Variants in GRID2 observed in about 807,000 individuals in gnomAD.
GRID2 encodes glutamate receptor ionotropic, delta-2.
In GRID2, 33 loss-of-function variants were observed where a neutral mutation model predicts 114.8. The observed-to-expected ratio is 0.29, with a 90% confidence interval of 0.22 to 0.38. The LOEUF (loss-of-function observed/expected upper bound fraction) is 0.38, where lower values mean the gene tolerates loss of function less well. Among genes scored for constraint, GRID2 ranks in the 10% least tolerant of loss-of-function variants. GRID2 has a pLI of 1.00. For synonymous variants in GRID2, 505 were observed against 449.9 expected, an observed-to-expected ratio of 1.12 and a Z score of -1.55; for missense variants, 1,184 against 1,257.7, an observed-to-expected ratio of 0.94 and a Z score of 0.89.
At chr4:92,586,021 A>C (rs1728419710) in intron 1 of GRID2, among the ~76,000 whole-genome samples, 1 of 143,760 alleles carries the variant, frequency 7.0e-6, no homozygotes, top group African/African-American at 2.6e-5. Context: ...CTATTTTATA[A>C]GATTATACCT....
chr4:92,807,400 TTCTG>T (rs1365575635), intron 2 of GRID2, among the ~76,000 whole-genome samples: 3 of 152,092 alleles, frequency 2.0e-5, no homozygotes, highest in African/African-American at 7.2e-5. Context: ...TATATTTTCT[TTCTG>T]TGTGCATATT....
chr4:92,557,325 A>C (rs1297354143), intron 1 of GRID2, among the ~76,000 whole-genome samples: 3 of 151,620 alleles, frequency 2.0e-5, no homozygotes, highest in Non-Finnish European at 4.4e-5. Flanking sequence ...TTAAATTTTC[A>C]AAATTTTAAT....
chr4:93,345,735 C>A (rs964204319), intron 8 of GRID2, among the ~76,000 whole-genome samples: 1 of 151,888 alleles, frequency 6.6e-6, no homozygotes, highest in Admixed American at 6.6e-5. Context: ...TGTCAAGAAG[C>A]CTTAATTCTA....
intron 8 of GRID2, among the ~76,000 whole-genome samples, chr4:93,375,108 C>T (rs1763249619): frequency 6.6e-6 from 1 of 152,072 alleles, no homozygotes; most frequent in Non-Finnish European, 1.5e-5. Flanking sequence ...GTAACCTAAT[C>T]CATCACTGCA....
intron 8 of GRID2, among the ~76,000 whole-genome samples, chr4:93,309,015 C>T (rs1755730662): frequency 6.6e-6 from 1 of 152,180 alleles, no homozygotes; most frequent in South Asian, 2.1e-4. Flanking sequence ...ATAGACACCT[C>T]CTCTCCCCTT....
chr4:92,547,428 A>G (rs1301710905), intron 1 of GRID2, among the ~76,000 whole-genome samples: 1 of 152,210 alleles, frequency 6.6e-6, no homozygotes, highest in Non-Finnish European at 1.5e-5. Flanking sequence ...TTGATTAAAC[A>G]TTTTAAAACA....
chr4:92,776,339 T>C (rs1042346602), intron 2 of GRID2, among the ~76,000 whole-genome samples: 1 of 152,132 alleles, frequency 6.6e-6, no homozygotes, highest in Non-Finnish European at 1.5e-5. Flanking sequence ...TGAGTCGTAT[T>C]TGCTCACTGC....
chr4:93,202,260 G>A (rs968474730), intron 4 of GRID2, among the ~76,000 whole-genome samples: 7 of 151,726 alleles, frequency 4.6e-5, no homozygotes, highest in Admixed American at 6.6e-5. Context: ...TATAATAATC[G>A]AAAACTTTTT....
At chr4:92,729,834 C>A (rs1303009474) in intron 2 of GRID2, among the ~76,000 whole-genome samples, 1 of 151,830 alleles carries the variant, frequency 6.6e-6, no homozygotes, top group Non-Finnish European at 1.5e-5. Flanking sequence ...AAAAAAAATC[C>A]TCTTTATAGT....
At chr4:93,048,679 A>G (rs986281698) in intron 2 of GRID2, among the ~76,000 whole-genome samples, 2 of 152,094 alleles carry the variant, frequency 1.3e-5, no homozygotes, top group African/African-American at 4.8e-5. Context: ...ACATAGGATA[A>G]AGGAGATACA....
chr4:93,267,224 A>T (rs893385427), intron 8 of GRID2, among the ~76,000 whole-genome samples: 5 of 149,152 alleles, frequency 3.4e-5, no homozygotes, highest in African/African-American at 1.2e-4. Context: ...TTTAGGGTAC[A>T]TGTGCACATT....
chr4:92,995,326 C>T (rs1451898020), intron 2 of GRID2, among the ~76,000 whole-genome samples: 1 of 152,072 alleles, frequency 6.6e-6, no homozygotes, highest in Admixed American at 6.6e-5. Context: ...ATTTGAGTGG[C>T]ATTGTGGGAA....
At chr4:92,992,926 G>T (rs2149206064) in intron 2 of GRID2, among the ~76,000 whole-genome samples, 1 of 151,924 alleles carries the variant, frequency 6.6e-6, no homozygotes, top group East Asian at 1.9e-4. Context: ...CCAGAGCTCT[G>T]CTAGGTACCT....
intron 8 of GRID2, among the ~76,000 whole-genome samples, chr4:93,261,826 T>C (rs1260923933): frequency 1.3e-5 from 2 of 151,720 alleles, no homozygotes. Context: ...GTGGGCCATG[T>C]ATGTCTCTTT....
intron 14 of GRID2, among the ~76,000 whole-genome samples, chr4:93,691,582 A>T (rs2110115694): frequency 6.6e-6 from 1 of 152,180 alleles, no homozygotes; most frequent in South Asian, 2.1e-4. Flanking sequence ...AGTATTTTTC[A>T]TTTATAGAAT....
Position 93,711,998 on chromosome 4 carries a change from T to C in GRID2, c.2361-57212T>C, listed in dbSNP as rs568846365. On this transcript the variant is annotated intron_variant, in intron 14 of 15. Coordinates refer to ENST00000282020, the MANE Select transcript of GRID2 (RefSeq NM_001510.4). ...TGCTCTGCCTGTGCTCTGAGAGCTTTTCAGTTTTTTTGTTGTTGTTGTTGT... is the reference window on the plus strand; with the variant it reads ...TGCTCTGCCTGTGCTCTGAGAGCTTCTCAGTTTTTTTGTTGTTGTTGTTGT... Among the ~76,000 whole-genome samples the C allele has an allele frequency of 2.0e-5, 3 of 152,036 alleles. No individual in the cohort carries two copies. In the South Asian group the frequency reaches 6.2e-4, roughly 32 times the overall value.
chr4:93,433,028 C>T (rs1769569959), intron 10 of GRID2, among the ~76,000 whole-genome samples: 1 of 152,178 alleles, frequency 6.6e-6, no homozygotes, highest in African/African-American at 2.4e-5. Context: ...TGTGATAGCA[C>T]CACCGCACTC....
chr4:93,209,749 C>T (rs1208133686), intron 5 of GRID2, among the ~76,000 whole-genome samples: 2 of 152,022 alleles, frequency 1.3e-5, no homozygotes, highest in Admixed American at 1.3e-4. Flanking sequence ...TTCTTCACAA[C>T]CATGCCAGCA....
intron 2 of GRID2, chr4:92,702,773 C>A (rs1054497184): frequency 6.6e-6 from 1 of 151,686 alleles, no homozygotes; most frequent in Non-Finnish European, 1.5e-5. Context: ...CACCATAATA[C>A]CTTTTTGGGT....
Sources: gnomAD v4.1 joint callset for allele counts (sites outside exome capture counted in the v4.1 genomes callset) on GRCh38, gnomAD v4.1.1 for gene constraint, MANE v1.5 for transcripts, NCBI Gene and HGNC (gene_info 2026-07-23, HGNC 2026-07-21) for gene names.